Variants in ROBO1 observed in about 807,000 individuals in gnomAD.
The protein encoded by ROBO1 is roundabout guidance receptor 1, also known as roundabout homolog 1.
ROBO1 carries 149 observed loss-of-function variants against 195.9 expected under a neutral mutation model. The observed-to-expected ratio is 0.76, with a 90% confidence interval of 0.67 to 0.87. The LOEUF (loss-of-function observed/expected upper bound fraction) is 0.87, where lower values mean the gene tolerates loss of function less well. Among genes scored for constraint, ROBO1 ranks in the 40% least tolerant of loss-of-function variants. ROBO1 has a pLI of 0.00. For synonymous variants in ROBO1, 816 were observed against 733.2 expected, an observed-to-expected ratio of 1.11 and a Z score of -1.82; for missense variants, 1,933 against 2,068.3, an observed-to-expected ratio of 0.93 and a Z score of 1.27.
chr3:78,621,104 T>A (rs1482415481), intron 26 of ROBO1, among the ~76,000 whole-genome samples: 2 of 152,062 alleles, frequency 1.3e-5, no homozygotes, highest in African/African-American at 4.8e-5. Context: ...TGGGTGGTTT[T>A]TAAAGTGTCT....
At chr3:78,859,809 A>G (rs1392851075) in intron 4 of ROBO1, among the ~76,000 whole-genome samples, 1 of 152,140 alleles carries the variant, frequency 6.6e-6, no homozygotes, top group African/African-American at 2.4e-5. Context: ...GAGCCGGTGC[A>G]GGGGCTCGCG....
intron 3 of ROBO1, among the ~76,000 whole-genome samples, chr3:79,122,846 T>C (rs980988251): frequency 1.3e-5 from 2 of 152,142 alleles, no homozygotes; most frequent in East Asian, 1.9e-4. Context: ...TCCAGGACTA[T>C]ACAGGTTTAT....
intron 2 of ROBO1, among the ~76,000 whole-genome samples, chr3:79,450,431 C>T (rs974917565): frequency 6.6e-6 from 1 of 151,890 alleles, no homozygotes; most frequent in African/African-American, 2.4e-5. Flanking sequence ...GAGGTGAAGA[C>T]AAGTTATCTG....
chr3:78,931,992 T>G (rs1276838027), intron 4 of ROBO1, among the ~76,000 whole-genome samples: 1 of 152,014 alleles, frequency 6.6e-6, no homozygotes, highest in Non-Finnish European at 1.5e-5. Flanking sequence ...AAAAAAAAGT[T>G]TAAACTGGTA....
chr3:79,227,493 T>C (rs150347815), intron 2 of ROBO1, among the ~76,000 whole-genome samples: 41 of 152,310 alleles, frequency 2.7e-4, no homozygotes, highest in African/African-American at 9.6e-4. Context: ...CCAGCCAAAC[T>C]CTTGACACTC....
chr3:79,564,009 C>A (rs189942893), intron 2 of ROBO1, among the ~76,000 whole-genome samples: 2 of 149,674 alleles, frequency 1.3e-5, no homozygotes, highest in African/African-American at 5.0e-5. Flanking sequence ...TACGTAGTGG[C>A]CTTTTTTATG....
chr3:78,599,921 C>A, intron 30 of ROBO1, 192 bp downstream of exon 30: 1 of 631,350 alleles, frequency 1.6e-6, no homozygotes, highest in Admixed American at 2.6e-5. Context: ...CTGCCATTAA[C>A]ATTTAAAACT....
At chr3:79,628,439 C>T (rs1425014739) in intron 1 of ROBO1, among the ~76,000 whole-genome samples, 1 of 151,984 alleles carries the variant, frequency 6.6e-6, no homozygotes, top group Non-Finnish European at 1.5e-5. Context: ...ACAATGAGAA[C>T]ACAAGGACAC....
At chr3:78,868,858 T>C (rs182796) in intron 4 of ROBO1, among the ~76,000 whole-genome samples, 118,584 of 152,100 alleles carry the variant, frequency 0.78, 46,365 homozygotes, top group Middle Eastern at 0.88. Flanking sequence ...AAAGGCAATA[T>C]TCCCCTTTAA....
intron 8 of ROBO1, among the ~76,000 whole-genome samples, chr3:78,708,582 G>A (rs11927666): frequency 0.25 from 38,551 of 151,908 alleles, 5,069 homozygotes; most frequent in African/African-American, 0.31. Context: ...TAATAAATAC[G>A]TAATGGATTT....
At chr3:79,161,977 C>T (rs1217720796) in intron 2 of ROBO1, among the ~76,000 whole-genome samples, 1 of 152,132 alleles carries the variant, frequency 6.6e-6, no homozygotes, top group Non-Finnish European at 1.5e-5. Context: ...AATCAGTCAC[C>T]ATGGAGGTGA....
intron 8 of ROBO1, among the ~76,000 whole-genome samples, chr3:78,710,696 A>G (rs1366467242): frequency 1.3e-5 from 2 of 152,174 alleles, no homozygotes; most frequent in Non-Finnish European, 2.9e-5. Context: ...CAGAATCATG[A>G]TTCACCTAAA....
intron 4 of ROBO1, among the ~76,000 whole-genome samples, chr3:78,767,025 T>A (rs529309598): frequency 1.3e-5 from 2 of 152,196 alleles, no homozygotes; most frequent in African/African-American, 4.8e-5. Flanking sequence ...TTAGCTACAA[T>A]TTTGTTAAGG....
intron 1 of ROBO1, among the ~76,000 whole-genome samples, chr3:79,765,730 C>T (rs1704949528): frequency 6.6e-6 from 1 of 152,146 alleles, no homozygotes; most frequent in African/African-American, 2.4e-5. Context: ...AATGAAATGG[C>T]ATTGTCTTCC....
chr3:79,259,722 A>G (rs2082905150), intron 2 of ROBO1, among the ~76,000 whole-genome samples: 1 of 152,146 alleles, frequency 6.6e-6, no homozygotes, highest in Non-Finnish European at 1.5e-5. Flanking sequence ...CAACTCTATA[A>G]GAAAAAATCT....
intron 2 of ROBO1, among the ~76,000 whole-genome samples, chr3:79,203,752 T>C (rs1236954204): frequency 6.6e-6 from 1 of 152,164 alleles, no homozygotes; most frequent in Non-Finnish European, 1.5e-5. Flanking sequence ...ATTTGCATTG[T>C]TTTGTTTTTG....
chr3:79,340,980 A>G (rs2034884641), intron 2 of ROBO1, among the ~76,000 whole-genome samples: 1 of 152,234 alleles, frequency 6.6e-6, no homozygotes, highest in Admixed American at 6.5e-5. Context: ...GCTCCTAAGT[A>G]TACTGCGGAA....
At chr3:78,862,105 C>A (rs532034823) in intron 4 of ROBO1, among the ~76,000 whole-genome samples, 1 of 152,000 alleles carries the variant, frequency 6.6e-6, no homozygotes, top group Non-Finnish European at 1.5e-5. Context: ...TAGATGGGCC[C>A]CATCTAATCA....
At chr3:79,207,371 C>T (rs1443583191) in intron 2 of ROBO1, among the ~76,000 whole-genome samples, 1 of 152,090 alleles carries the variant, frequency 6.6e-6, no homozygotes, top group Non-Finnish European at 1.5e-5. Flanking sequence ...TAAATTCTTT[C>T]AAGTTAATCC....
Sources: allele counts gnomAD v4.1 joint callset (sites outside exome capture counted in the v4.1 genomes callset), GRCh38; gene constraint gnomAD v4.1.1; transcripts MANE v1.5; gene names NCBI Gene and HGNC (gene_info 2026-07-23, HGNC 2026-07-21).